The following GIPC2 variants were observed in gnomAD, a reference collection of about 807,000 sequenced individuals.
GIPC2 encodes the protein PDZ domain-containing protein GIPC2.
Under a neutral mutation model 30.6 loss-of-function variants are expected in GIPC2, and 30 were observed. That is an observed-to-expected ratio of 0.98 (90% CI 0.73 to 1.33). The LOEUF is 1.33. GIPC2 is among the 40% of genes most tolerant of loss of function. The probability of loss-of-function intolerance (pLI) is 0.00; values close to 1 mark genes in which losing one functional copy is unlikely to be tolerated. For missense variants in GIPC2, 414 were observed against 390.3 expected (o/e 1.06, Z -0.51); for synonymous variants, 167 against 150.0 (o/e 1.11, Z -0.83).
chr1:78,071,431 T>A (rs561907758), intron 1 of GIPC2, among the ~76,000 whole-genome samples: 1 of 152,116 alleles, frequency 6.6e-6, no homozygotes, highest in East Asian at 1.9e-4. Flanking sequence ...ACAATATATT[T>A]GGTTCCATAC....
At chr1:78,113,801 G>A (rs769894139) in intron 3 of GIPC2, among the ~76,000 whole-genome samples, 1 of 151,908 alleles carries the variant, frequency 6.6e-6, no homozygotes, top group Admixed American at 6.6e-5. Flanking sequence ...TTACAGGTGT[G>A]AGCCACTGAA....
intron 1 of GIPC2, among the ~76,000 whole-genome samples, chr1:78,068,284 A>G (rs1419168088): frequency 6.6e-6 from 1 of 152,014 alleles, no homozygotes; most frequent in African/African-American, 2.4e-5. Flanking sequence ...CTCTCCCCAT[A>G]CTCATTAAGT....
intron 1 of GIPC2, among the ~76,000 whole-genome samples, chr1:78,062,584 T>G (rs1352074962): frequency 1.3e-5 from 2 of 151,746 alleles, no homozygotes. Flanking sequence ...CTTGGCCCAC[T>G]GTAACCTCCA....
At chr1:78,097,989 G>A (rs988846009) in intron 3 of GIPC2, among the ~76,000 whole-genome samples, 1 of 152,164 alleles carries the variant, frequency 6.6e-6, no homozygotes, top group African/African-American at 2.4e-5. Flanking sequence ...AACATGAAGG[G>A]ATAAATTTCC....
At chr1:78,065,347 G>A (rs754125719) in intron 1 of GIPC2, among the ~76,000 whole-genome samples, 1 of 151,662 alleles carries the variant, frequency 6.6e-6, no homozygotes, top group African/African-American at 2.4e-5. Context: ...CCAGGAATAC[G>A]GCTAACCAGG....
At chr1:78,106,711 G>C (rs145072972) in intron 3 of GIPC2, among the ~76,000 whole-genome samples, 2 of 152,092 alleles carry the variant, frequency 1.3e-5, no homozygotes, top group Non-Finnish European at 2.9e-5. Context: ...ACAGAGTTTC[G>C]TTCTTGTTGC....
Position 78,137,917 on chromosome 1 carries a change from A to C in GIPC2, c.*2174A>C, listed in dbSNP as rs1663035791. The stretch of plus-strand genomic sequence containing the variant: ...GGGATACCCTTCTGCAGCTTCAGTG[A>C]GACAAATCACTTTTTAAAAAACATT... On this transcript the variant is annotated 3_prime_UTR_variant, in exon 6 of 6. Coordinates refer to ENST00000370759, the MANE Select transcript of GIPC2 (RefSeq NM_017655.6). The C allele has an allele frequency of 6.6e-6, 1 of 152,098 alleles. No individual in the cohort carries two copies. The allele number at this position is 152,098 out of a possible 1,614,324, so 9.4% of individuals were successfully genotyped here. A position where few individuals can be genotyped will look rare whatever the true frequency, so the allele number is the denominator to read the frequency against.
chr1:78,061,145 T>A (rs914555490), intron 1 of GIPC2, among the ~76,000 whole-genome samples: 28 of 152,168 alleles, frequency 1.8e-4, no homozygotes, highest in Admixed American at 1.4e-3. Flanking sequence ...CCTGAAAGGG[T>A]TTCCTGTGCT....
chr1:78,075,961 C>T (rs190406927), intron 1 of GIPC2, among the ~76,000 whole-genome samples: 1 of 152,336 alleles, frequency 6.6e-6, no homozygotes, highest in African/African-American at 2.4e-5. Context: ...AGCGTTGTTG[C>T]CAGGCCCACT....
intron 1 of GIPC2, among the ~76,000 whole-genome samples, chr1:78,061,730 C>T (rs531799579): frequency 1.2e-5 from 1 of 84,872 alleles, no homozygotes; most frequent in Admixed American, 1.4e-4. Flanking sequence ...GATTTTCCTG[C>T]CTCAGCCTCC....
chr1:78,049,893 CTTTTTTT>C (rs35263483), intron 1 of GIPC2, among the ~76,000 whole-genome samples: 8 of 98,462 alleles, frequency 8.1e-5, no homozygotes, highest in Admixed American at 7.0e-4. Flanking sequence ...AGAAAAACCT[CTTTTTTT>C]TTTTTTTTTT....
Position 78,080,534 on chromosome 1 carries a change from C to A in GIPC2, c.241-141C>A, listed in dbSNP as rs1661804465. On this transcript the variant is annotated intron_variant, in intron 1 of 5. Transcript: ENST00000370759. ...AAAATGTGTCCCAGAATCTCTCTAGCCAACATAAAAACACATTTTATGATG... is the reference window on the plus strand; with the variant it reads ...AAAATGTGTCCCAGAATCTCTCTAGACAACATAAAAACACATTTTATGATG... The A allele has an allele frequency of 9.3e-6, 5 of 539,622 alleles. No homozygotes were observed. In the South Asian group the frequency reaches 1.6e-4, roughly 17 times the overall value. 33.4% of individuals were successfully genotyped at this position (539,622 alleles called of 1,614,324 possible).
chr1:78,083,705 A>G (rs905573796), intron 2 of GIPC2, among the ~76,000 whole-genome samples: 3 of 152,198 alleles, frequency 2.0e-5, no homozygotes, highest in African/African-American at 7.2e-5. Flanking sequence ...CAACATGGGT[A>G]CATGACTTCG....
At chr1:78,047,905 G>T (rs149006027) in intron 1 of GIPC2, among the ~76,000 whole-genome samples, 107 of 152,298 alleles carry the variant, frequency 7.0e-4, no homozygotes, top group African/African-American at 2.4e-3. Context: ...TTTAAACTTG[G>T]ATCTTCTGAT....
intron 3 of GIPC2, among the ~76,000 whole-genome samples, chr1:78,116,625 G>T (rs1275657278): frequency 2.6e-5 from 4 of 151,774 alleles, no homozygotes; most frequent in Non-Finnish European, 5.9e-5. Context: ...CTGTCCTTAC[G>T]CTAGTTTGCT....
chr1:78,095,286 T>A (rs1023346358), intron 3 of GIPC2, among the ~76,000 whole-genome samples, 154 bp downstream of exon 3: 27 of 152,146 alleles, frequency 1.8e-4, no homozygotes, highest in Admixed American at 2.0e-4. Context: ...TAGCACTACT[T>A]ATAAGAAAGA....
chr1:78,083,876 A>G (rs954679923), intron 2 of GIPC2, among the ~76,000 whole-genome samples: 10 of 152,234 alleles, frequency 6.6e-5, no homozygotes, highest in Admixed American at 6.5e-5. Context: ...GAACACAACA[A>G]GATATTCTAG....
At chr1:78,072,725 A>C (rs1052031216) in intron 1 of GIPC2, among the ~76,000 whole-genome samples, 4 of 152,192 alleles carry the variant, frequency 2.6e-5, no homozygotes, top group Non-Finnish European at 4.4e-5. Flanking sequence ...TTAGTCACTA[A>C]CAAAGGAACC....
At chr1:78,131,330 T>A (rs1406932465) in intron 5 of GIPC2, among the ~76,000 whole-genome samples, 1 of 152,038 alleles carries the variant, frequency 6.6e-6, no homozygotes, top group Non-Finnish European at 1.5e-5. Context: ...TGCCTCAGCC[T>A]CCCGAGTAGC....
Sources: allele counts gnomAD v4.1 joint callset (sites outside exome capture counted in the v4.1 genomes callset), GRCh38; gene constraint gnomAD v4.1.1; transcripts MANE v1.5; gene names NCBI Gene and HGNC (gene_info 2026-07-23, HGNC 2026-07-21).